The following WSCD1 variants were observed in gnomAD, a reference collection of about 807,000 sequenced individuals.
WSCD1 encodes the protein WSC domain sialate O sulfotransferase 1, also known as sialate:O-sulfotransferase 1.
WSCD1 carries 41 observed loss-of-function variants against 60.4 expected under a neutral mutation model. The observed-to-expected ratio is 0.68, with a 90% CI of 0.53 to 0.88. The LOEUF (loss-of-function observed/expected upper bound fraction) is 0.88, where lower values mean the gene tolerates loss of function less well. Among genes scored for constraint, WSCD1 ranks in the 40% least tolerant of loss-of-function variants. The pLI, the probability that WSCD1 is intolerant of heterozygous loss-of-function variation, is 0.00. For missense variants in WSCD1, 784 were observed against 796.2 expected (o/e 0.98, Z 0.18); for synonymous variants, 361 against 332.5 (o/e 1.09, Z -0.93).
rs1187226963 is a variant in WSCD1, at chr17:6,118,520, C to T, written c.1375+332C>T. Among the ~76,000 whole-genome samples the T allele has an allele frequency of 6.6e-6, 1 of 152,206 alleles. No homozygotes were observed. The highest frequency in any genetic ancestry group is 2.4e-5 in the African/African-American group (1 of 41,450). ...CCATCTCTGCTTCTGCCCAGGAGCT[C>T]ATGCAGGGCTGGGAGAAGAGCACAT... On this transcript the variant is annotated intron_variant, in intron 8 of 8. Coordinates refer to ENST00000317744, the MANE Select transcript of WSCD1 (RefSeq NM_015253.2). The surrounding 1 kb of genome is among the most constrained non-coding windows in gnomAD (Gnocchi z 5.8).
intron 4 of WSCD1, among the ~76,000 whole-genome samples, chr17:6,092,912 G>T (rs978358154): frequency 6.6e-6 from 1 of 152,088 alleles, no homozygotes; most frequent in Non-Finnish European, 1.5e-5. Context: ...GGAGCCCCCC[G>T]TGAGGTACCT....
At chr17:6,083,649 C>T (rs1909427123) in intron 2 of WSCD1, among the ~76,000 whole-genome samples, 2 of 152,050 alleles carry the variant, frequency 1.3e-5, no homozygotes, top group Non-Finnish European at 2.9e-5. Flanking sequence ...CGTGGTGGCA[C>T]GTGCCTGTAA....
rs777173255 is a variant in WSCD1, at chr17:6,111,000, C to A, written c.1174+65C>A. On this transcript the variant is annotated intron_variant, in intron 7 of 8. Transcript: ENST00000317744. The surrounding 1 kb of genome is among the most constrained non-coding windows in gnomAD (Gnocchi z 4.8). ...GGTGACCAAACTGTCACCTTGCCAG[C>A]CAAGCTTCTCAGAGCACTAGAGCAG... 1.3e-6 allele frequency: 2 copies of A among 1,534,404 alleles called. No individual in the cohort carries two copies. Among genetic ancestry groups the A allele is most frequent in the Admixed American group, 3.8e-5 (2 of 51,956 alleles).
At chr17:6,114,727 G>A (rs900568788) in intron 7 of WSCD1, among the ~76,000 whole-genome samples, 3 of 151,906 alleles carry the variant, frequency 2.0e-5, no homozygotes, top group Non-Finnish European at 4.4e-5. Context: ...AGAATGTGCA[G>A]GTTTGTTACA....
At chr17:6,082,341 A>G (rs1209769071) in intron 2 of WSCD1, among the ~76,000 whole-genome samples, 1 of 152,146 alleles carries the variant, frequency 6.6e-6, no homozygotes, top group East Asian at 1.9e-4. Context: ...GTGTGTTATC[A>G]AGCAGGTTAC....
chr17:6,089,781 T>C (rs1348375328), intron 3 of WSCD1, among the ~76,000 whole-genome samples: 2 of 152,258 alleles, frequency 1.3e-5, no homozygotes, highest in African/African-American at 2.4e-5. Flanking sequence ...TTATAACCTG[T>C]AACCACGGCA....
chr17:6,115,242 C>A (rs1336799935), intron 7 of WSCD1, among the ~76,000 whole-genome samples: 1 of 152,158 alleles, frequency 6.6e-6, no homozygotes, highest in Non-Finnish European at 1.5e-5. Context: ...AGACTAGCAG[C>A]TTGAATTTTC....
chr17:6,109,457 C>A, intron 5 of WSCD1, 150 bp from the exon 6 acceptor site: 2 of 1,145,126 alleles, frequency 1.7e-6, no homozygotes, highest in Non-Finnish European at 2.5e-6. Context: ...GGGCACAGAG[C>A]ACAGTGGTGG....
At chr17:6,076,424 CTG>C (rs1908862517) in intron 1 of WSCD1, among the ~76,000 whole-genome samples, 1 of 152,188 alleles carries the variant, frequency 6.6e-6, no homozygotes, top group Non-Finnish European at 1.5e-5. Context: ...ACTCCAGGGA[CTG>C]TGGGGGCTCA....
chr17:6,072,534 C>A (rs190778861), intron 1 of WSCD1, among the ~76,000 whole-genome samples: 87 of 152,312 alleles, frequency 5.7e-4, no homozygotes, highest in Admixed American at 5.4e-3. Context: ...AGACCAGCTC[C>A]CTGACTCTTT....
Position 6,110,220 on chromosome 17 carries a change from G to A in WSCD1, c.1009+454G>A, listed in dbSNP as rs148299403. Among the ~76,000 whole-genome samples the A allele has an allele frequency of 5.9e-5, 9 of 152,276 alleles. No homozygotes were observed. The highest frequency in any genetic ancestry group is 5.8e-4 in the East Asian group (3 of 5,178). On this transcript the variant is annotated intron_variant, in intron 6 of 8. Transcript: ENST00000317744. The surrounding 1 kb of genome is among the most constrained non-coding windows in gnomAD (Gnocchi z 4.8). ...ACTGATGAAAGGAAGAGCCGGGGAC[G>A]AGGGATGTTACCACCTTTATCAAGT...
rs1395294880 is a variant in WSCD1, at chr17:6,088,078, C to T, written c.516C>T (p.Ser172=). 1.2e-6 allele frequency: 2 copies of T among 1,614,160 alleles called. No homozygotes were observed. The highest frequency in any genetic ancestry group is 1.7e-6 in the Non-Finnish European group (2 of 1,180,024). ...VFYDLRKMTV[S]HCQDACAERS... ...ATGACTTGAGAAAGATGACTGTCTC[C>T]CACTGCCAGGATGCGTGTGCTGAGC... Residue 172 remains serine, a synonymous_variant, in exon 3 of 9, where the codon TCC becomes TCT. Coordinates refer to ENST00000317744, the MANE Select transcript of WSCD1 (RefSeq NM_015253.2).
chr17:6,116,852 A>G (rs1006940251), intron 7 of WSCD1, among the ~76,000 whole-genome samples: 2 of 152,226 alleles, frequency 1.3e-5, no homozygotes, highest in Non-Finnish European at 2.9e-5. Flanking sequence ...CCAAGAGCCC[A>G]AGATAAGCAC....
At chr17:6,095,665 G>T (rs533558433) in intron 5 of WSCD1, among the ~76,000 whole-genome samples, 1 of 152,244 alleles carries the variant, frequency 6.6e-6, no homozygotes, top group African/African-American at 2.4e-5. Flanking sequence ...CTGGGCTGAG[G>T]AGTAGAGCGT....
chr17:6,081,187 GCT>G, intron 2 of WSCD1, 102 bp downstream of exon 2: 1 of 1,321,180 alleles, frequency 7.6e-7, no homozygotes, highest in Non-Finnish European at 1.0e-6. Context: ...GGCCTTCACC[GCT>G]AGATGGTTCT....
rs985514850 is a variant in WSCD1 at position 6,110,043 on chromosome 17, G to C, written c.1009+277G>C. Among the ~76,000 whole-genome samples, 1 of 152,144 alleles carries C rather than the reference G, an allele frequency of 6.6e-6. No individual in the cohort carries two copies. The highest frequency in any genetic ancestry group is 2.4e-5 in the African/African-American group (1 of 41,408). ...AATGGTAAGAGGATGAACAGAGAGGGGCAGGTCCTAGAGAGATAGCAACAG... is the reference window on the plus strand; with the variant it reads ...AATGGTAAGAGGATGAACAGAGAGGCGCAGGTCCTAGAGAGATAGCAACAG... On this transcript the variant is annotated intron_variant, in intron 6 of 8. Transcript: ENST00000317744. This position sits in a 1 kb window ranked among gnomAD's most constrained non-coding sequence, Gnocchi z 4.8.
intron 2 of WSCD1, among the ~76,000 whole-genome samples, chr17:6,081,711 A>C (rs1909290796): frequency 6.6e-6 from 1 of 152,070 alleles, no homozygotes; most frequent in Non-Finnish European, 1.5e-5. Context: ...TCTCAAAAAA[A>C]AGAAAAAAAA....
chr17:6,094,056 A>T (rs1269871908), intron 4 of WSCD1, among the ~76,000 whole-genome samples: 2 of 152,208 alleles, frequency 1.3e-5, no homozygotes, highest in East Asian at 3.9e-4. Context: ...CTAGAGAGCC[A>T]GGGGAGATAC....
rs1434527512 is a variant in WSCD1, at chr17:6,120,779, CA to C, written c.*119del. On this transcript the variant is annotated 3_prime_UTR_variant, in exon 9 of 9. Coordinates refer to ENST00000317744, the MANE Select transcript of WSCD1 (RefSeq NM_015253.2). ...TGGGACGAACGGTGGGTGGGGGGCT[CA>C]CCCTGGTGCTGCCTCCCGCACAAGG... 1.9e-6 allele frequency: 2 copies of C among 1,067,262 alleles called. No homozygotes were observed. The highest frequency in any genetic ancestry group is 2.6e-6 in the Non-Finnish European group (2 of 755,664). 66.1% of individuals were successfully genotyped at this position (1,067,262 alleles called of 1,614,324 possible).
Sources: gnomAD v4.1 joint callset for allele counts (sites outside exome capture counted in the v4.1 genomes callset) on GRCh38, gnomAD v4.1.1 for gene constraint, Gnocchi (gnomAD v3.1) non-coding constraint, MANE v1.5 for transcripts, NCBI Gene and HGNC (gene_info 2026-07-23, HGNC 2026-07-21) for gene names.